Variants in ADAMTS20 observed in about 807,000 individuals in gnomAD.
The protein encoded by ADAMTS20 is ADAM metallopeptidase with thrombospondin type 1 motif 20.
Under a neutral mutation model 260.1 loss-of-function variants are expected in ADAMTS20, and 225 were observed. The ratio of observed to expected loss-of-function variants is 0.87; its 90% CI spans 0.78 to 0.97. ADAMTS20 has a LOEUF of 0.97. ADAMTS20 is among the 50% of genes least tolerant of loss of function. The pLI, the probability that ADAMTS20 is intolerant of heterozygous loss-of-function variation, is 0.00. For missense variants in ADAMTS20, 2,400 were observed against 2,337.7 expected, an observed-to-expected ratio of 1.03 and a Z score of -0.55; for synonymous variants, 802 against 769.5, an observed-to-expected ratio of 1.04 and a Z score of -0.70.
intron 11 of ADAMTS20, among the ~76,000 whole-genome samples, chr12:43,459,058 C>T (rs1418379953): frequency 6.6e-6 from 1 of 152,230 alleles, no homozygotes; most frequent in East Asian, 1.9e-4. Context: ...TGGCTACCCT[C>T]TTTGGGTCCC....
chr12:43,517,109 A>G (rs1592106557), intron 3 of ADAMTS20, among the ~76,000 whole-genome samples: 1 of 152,218 alleles, frequency 6.6e-6, no homozygotes, highest in East Asian at 1.9e-4. Flanking sequence ...AACAAACATT[A>G]TATGTATTAG....
rs937069593 is a variant in ADAMTS20 at position 43,425,670 on chromosome 12, T to G, written c.4128A>C (p.Gly1376=). Residue 1376 remains glycine, a synonymous_variant, in exon 28 of 39, where the codon GGA becomes GGC. Transcript: ENST00000389420. ...ATATTACAAGTCTTGATTTTATTCC[T>G]CCTCCACATGTTTGTGAACACTAAA... The part of the protein sequence containing the change: ...NWGECSQTCG[G]GIKSRLVICQ... The G allele has an allele frequency of 9.4e-6, 15 of 1,600,928 alleles. No homozygotes were observed. The highest frequency in any genetic ancestry group is 1.3e-5 in the Non-Finnish European group (15 of 1,171,784).
At position 43,490,388 on chromosome 12, in the gene ADAMTS20, A is replaced by C; in HGVS notation, c.1117+7T>G. On this transcript the variant is annotated splice_region_variant and intron_variant, in intron 7 of 38. Transcript: ENST00000389420. ...ATAAGCTAAACTTAATTGACAAAAT[A>C]ACTTACCTAACATGTTACATTTCTC... 8.1e-7 allele frequency: 1 copy of C among 1,236,146 alleles called. No individual in the cohort carries two copies. The highest frequency in any genetic ancestry group is 2.8e-5 in the East Asian group (1 of 35,270). 76.6% of individuals were successfully genotyped at this position (1,236,146 alleles called of 1,614,324 possible).
At position 43,528,347 on chromosome 12, in the gene ADAMTS20, G is replaced by GAAAAAAAAAAAAAAAAAAAAAA. The variant is rs1565583137; in HGVS notation, c.613+3688_613+3689insTTTTTTTTTTTTTTTTTTTTTT. Among the ~76,000 whole-genome samples the GAAAAAAAAAAAAAAAAAAAAAA allele has an allele frequency of 3.5e-3, 8 of 2,308 alleles. 1 individual carries two copies. The highest frequency in any genetic ancestry group is 6.0e-3 in the African/African-American group (8 of 1,324). The allele number at this position is 2,308 out of a possible 152,430, so 1.5% of individuals were successfully genotyped here. A position where few individuals can be genotyped will look rare whatever the true frequency, so the allele number is the denominator to read the frequency against. On this transcript the variant is annotated intron_variant, in intron 3 of 38. Transcript: ENST00000389420. ...AGACCAACAGCCAAGGCAATCCTAAGCAAAAAAAAAAAAAAAAAAAAAAAA... is the reference window on the plus strand; with the variant it reads ...AGACCAACAGCCAAGGCAATCCTAAGAAAAAAAAAAAAAAAAAAAAAACAAAAAAAAAAAAAAAAAAAAAAAA...
intron 29 of ADAMTS20, among the ~76,000 whole-genome samples, chr12:43,384,668 A>C (rs914877014): frequency 6.6e-6 from 1 of 151,988 alleles, no homozygotes; most frequent in Admixed American, 6.5e-5. Context: ...ATGTGTTCTC[A>C]TTGTTCAACT....
chr12:43,473,233 A>C (rs2137397935), intron 7 of ADAMTS20, among the ~76,000 whole-genome samples: 1 of 51,042 alleles, frequency 2.0e-5, no homozygotes, highest in South Asian at 9.5e-4. Context: ...ATCAAAAGAG[A>C]CAAAGAAGGC....
chr12:43,412,010 C>T (rs746237806), intron 28 of ADAMTS20, among the ~76,000 whole-genome samples: 1 of 152,086 alleles, frequency 6.6e-6, no homozygotes, highest in Admixed American at 6.5e-5. Flanking sequence ...TATTAACACA[C>T]TAGAAATTTG....
At position 43,510,050 on chromosome 12, in the gene ADAMTS20, A is replaced by G. The variant is rs146351891; in HGVS notation, c.614-7645T>C. 2.0e-3 allele frequency among the ~76,000 whole-genome samples: 307 copies of G among 152,252 alleles called. 3 individuals are homozygous for G. The highest frequency in any genetic ancestry group is 7.2e-3 in the African/African-American group (298 of 41,580). Reference sequence around the variant, plus strand: ...AAACCAATTAAGACAATAATCCTCAATAGAGAAGTAGTTGAATAATGTAAT... The same window carrying G: ...AAACCAATTAAGACAATAATCCTCAGTAGAGAAGTAGTTGAATAATGTAAT... On this transcript the variant is annotated intron_variant, in intron 3 of 38. Transcript: ENST00000389420.
intron 11 of ADAMTS20, 56 bp from the exon 12 acceptor site, chr12:43,454,108 CA>C: frequency 6.4e-7 from 1 of 1,558,546 alleles, no homozygotes; most frequent in South Asian, 1.2e-5. Context: ...TAGAACATCA[CA>C]AAAATTATAA....
Position 43,374,273 on chromosome 12 carries a change from T to C in ADAMTS20, c.5446+1106A>G, listed in dbSNP as rs530215941. ...ATGGTTCATAATTTTATGACTATAA[T>C]TTATATATTATATATTCATGCATAT... On this transcript the variant is annotated intron_variant, in intron 36 of 38. Coordinates refer to ENST00000389420, the MANE Select transcript of ADAMTS20 (RefSeq NM_025003.5). Among the ~76,000 whole-genome samples the C allele has an allele frequency of 1.7e-3, 259 of 152,204 alleles. 3 individuals carry two copies. The highest frequency in any genetic ancestry group is 6.8e-3 in the Middle Eastern group (2 of 294).
chr12:43,448,282 C>A (rs916286092), intron 14 of ADAMTS20, among the ~76,000 whole-genome samples: 2 of 151,994 alleles, frequency 1.3e-5, no homozygotes, highest in African/African-American at 4.8e-5. Context: ...GGAACTGGTA[C>A]AAAAACAGAC....
In ADAMTS20 at chr12:43,354,294, C is replaced by A; in HGVS notation, c.5648G>T (p.Gly1883Val). 6.3e-7 allele frequency: 1 copy of A among 1,582,934 alleles called. No homozygotes were observed. Among genetic ancestry groups the A allele is most frequent in the Non-Finnish European group, 8.6e-7 (1 of 1,162,438 alleles). ...TSVSIRRSED[G>V]TRFFGKCGGY... is the part of the protein sequence containing the mutation. ...TCCACATTTGCCGAAAAATCTAGTT[C>A]CATCCTGAAAATCGGAAGAAGAAAT... is the stretch of plus-strand genomic sequence containing the variant. The change falls in exon 39 of 39, where the codon GGA becomes GTA. Residue 1883 changes from glycine (G) to valine (V), a missense_variant. Transcript: ENST00000389420.
rs542306726 is a variant in ADAMTS20 at position 43,540,096 on chromosome 12, C to T, written c.454-7901G>A. On this transcript the variant is annotated intron_variant, in intron 2 of 38. Coordinates refer to ENST00000389420, the MANE Select transcript of ADAMTS20 (RefSeq NM_025003.5). ...ACGGGGTTTCACCATGTTGGCCAGG[C>T]TAGTCTCGATCTCCTGATCCGCCTC... is the stretch of plus-strand genomic sequence containing the variant. 2.9e-3 allele frequency among the ~76,000 whole-genome samples: 436 copies of T among 152,246 alleles called. 7 individuals are homozygous for T. Among genetic ancestry groups the T allele is most frequent in the Non-Finnish European group, 7.9e-4 (54 of 68,014 alleles).
intron 7 of ADAMTS20, among the ~76,000 whole-genome samples, chr12:43,475,339 G>C (rs916993556): frequency 1.5e-5 from 2 of 134,448 alleles, no homozygotes; most frequent in Non-Finnish European, 3.2e-5. Context: ...GGAAATAAAA[G>C]AGGATACAAA....
rs530954203 is a variant in ADAMTS20, at chr12:43,410,914, C to T, written c.4285-11681G>A. Among the ~76,000 whole-genome samples, 35 of 152,196 alleles carry T rather than the reference C, an allele frequency of 2.3e-4. 1 individual carries two copies. In the East Asian group the frequency reaches 4.8e-3, roughly 21 times the overall value. ...AACTTTAGGAAGTTTCACTAGGACA[C>T]AATTGAAGCTTTATGCACTTCAATT... On this transcript the variant is annotated intron_variant, in intron 28 of 38. Transcript: ENST00000389420.
In ADAMTS20 at chr12:43,487,467, A is replaced by G. The variant is rs144784737; in HGVS notation, c.1117+2928T>C. 7.8e-4 allele frequency among the ~76,000 whole-genome samples: 118 copies of G among 152,218 alleles called. 1 individual carries two copies. The East Asian group carries it at 0.021, about 27-fold the overall frequency. On this transcript the variant is annotated intron_variant, in intron 7 of 38. Coordinates refer to ENST00000389420, the MANE Select transcript of ADAMTS20 (RefSeq NM_025003.5). ...GGGGGTGAGGAGTGAAAAACTACCT[A>G]TTAGGTACAATGTACACTACTCAAG... is the stretch of plus-strand genomic sequence containing the variant.
In ADAMTS20 at chr12:43,551,781, G is replaced by C. The variant is rs757865982; in HGVS notation, c.91+50C>G. On this transcript the variant is annotated intron_variant, in intron 1 of 38. Coordinates refer to ENST00000389420, the MANE Select transcript of ADAMTS20 (RefSeq NM_025003.5). This position sits in a 1 kb window ranked among gnomAD's most constrained non-coding sequence, Gnocchi z 4.6. ...TCCCCGCGACCTGCATGTCCCACTC[G>C]GGCCCCGCGCCCCCACTTAGCCGCT... The C allele has an allele frequency of 1.3e-5, 21 of 1,586,026 alleles. No individual in the cohort carries two copies. The highest frequency in any genetic ancestry group is 1.8e-5 in the Non-Finnish European group (21 of 1,157,836).
chr12:43,492,390 G>GAAA, intron 6 of ADAMTS20, 115 bp downstream of exon 6: 1 of 1,222,948 alleles, frequency 8.2e-7, no homozygotes, highest in Non-Finnish European at 1.1e-6. Context: ...AAAAAAAAAA[G>GAAA]AAAAAGAAAA....
chr12:43,397,495 G>A (rs1178127333), intron 29 of ADAMTS20, among the ~76,000 whole-genome samples: 1 of 152,068 alleles, frequency 6.6e-6, no homozygotes, highest in African/African-American at 2.4e-5. Context: ...ACTAGACCGG[G>A]GTGTGTGCAA....
Sources: gnomAD v4.1 joint callset for allele counts (sites outside exome capture counted in the v4.1 genomes callset) on GRCh38, gnomAD v4.1.1 for gene constraint, Gnocchi (gnomAD v3.1) non-coding constraint, MANE v1.5 for transcripts, NCBI Gene and HGNC (gene_info 2026-07-23, HGNC 2026-07-21) for gene names.